MLLT3: variants seen among roughly 807,000 people sequenced by gnomAD.
MLLT3 encodes protein AF-9.
A neutral mutation model predicts 53.2 loss-of-function variants in MLLT3; 4 were observed. The ratio of observed to expected loss-of-function variants is 0.08; its 90% CI spans 0.04 to 0.17. MLLT3 has a LOEUF of 0.17. Among genes scored for constraint, MLLT3 ranks in the 10% least tolerant of loss-of-function variants. The pLI is 1.00. For missense variants in MLLT3, 569 were observed against 684.0 expected (o/e 0.83, Z 1.87); for synonymous variants, 283 against 230.6 (o/e 1.23, Z -2.06).
In MLLT3 at chr9:20,605,988, A is replaced by T. The variant is rs114811288; in HGVS notation, c.193+14666T>A. On this transcript the variant is annotated intron_variant, in intron 2 of 10. Transcript: ENST00000380338. ...TATGAATGGCTTACTGGTTTTAAAA[A>T]GTAACTCCCAAATGCTGGGTTAATA... is the stretch of plus-strand genomic sequence containing the variant. 1.9e-3 allele frequency among the ~76,000 whole-genome samples: 286 copies of T among 152,296 alleles called. 1 individual carries two copies. Among genetic ancestry groups the T allele is most frequent in the African/African-American group, 6.8e-3 (281 of 41,568 alleles).
intron 6 of MLLT3, 62 bp downstream of exon 6, chr9:20,365,607 C>A: frequency 1.3e-6 from 2 of 1,590,076 alleles, no homozygotes; most frequent in South Asian, 2.2e-5. Flanking sequence ...GTCAGCCTCC[C>A]AAAGTGCCAT....
chr9:20,496,833 G>A (rs920899105), intron 2 of MLLT3, among the ~76,000 whole-genome samples: 5 of 152,144 alleles, frequency 3.3e-5, no homozygotes, highest in African/African-American at 9.7e-5. Flanking sequence ...CAGATAAACA[G>A]TGCTTTAGGC....
chr9:20,406,306 C>G (rs929191071), intron 5 of MLLT3, among the ~76,000 whole-genome samples: 2 of 152,062 alleles, frequency 1.3e-5, no homozygotes, highest in African/African-American at 2.4e-5. Context: ...ATTCATGCCT[C>G]TTTCCTTCAA....
intron 2 of MLLT3, among the ~76,000 whole-genome samples, chr9:20,514,771 C>T (rs368316432): frequency 1.3e-5 from 2 of 152,028 alleles, no homozygotes; most frequent in Non-Finnish European, 1.5e-5. Context: ...ATCATTATGC[C>T]TCTCGATTAA....
At chr9:20,575,808 G>A (rs1819638699) in intron 2 of MLLT3, among the ~76,000 whole-genome samples, 2 of 152,128 alleles carry the variant, frequency 1.3e-5, no homozygotes, top group African/African-American at 2.4e-5. Context: ...TTTAGCATAA[G>A]TCTTAAGGAC....
chr9:20,410,396 A>T (rs1409085338), intron 5 of MLLT3, among the ~76,000 whole-genome samples: 1 of 152,184 alleles, frequency 6.6e-6, no homozygotes, highest in Non-Finnish European at 1.5e-5. Flanking sequence ...AATTTTCAAC[A>T]ATAATCCTAC....
chr9:20,464,336 C>G (rs1000371742), intron 2 of MLLT3, among the ~76,000 whole-genome samples: 1 of 152,130 alleles, frequency 6.6e-6, no homozygotes, highest in African/African-American at 2.4e-5. Context: ...CCTGCTCAGT[C>G]TAACCAGAGA....
chr9:20,421,876 G>A (rs550114199), intron 4 of MLLT3, among the ~76,000 whole-genome samples: 3 of 151,962 alleles, frequency 2.0e-5, no homozygotes, highest in Admixed American at 1.3e-4. Context: ...AAAGAGTGAA[G>A]CAAAATGGAC....
At chr9:20,406,547 G>T (rs928479806) in intron 5 of MLLT3, among the ~76,000 whole-genome samples, 2 of 152,058 alleles carry the variant, frequency 1.3e-5, no homozygotes, top group Non-Finnish European at 2.9e-5. Context: ...TAAAGCAAAG[G>T]TCAGCAATTT....
intron 5 of MLLT3, among the ~76,000 whole-genome samples, chr9:20,413,194 C>T (rs1384553660): frequency 6.6e-6 from 1 of 152,118 alleles, no homozygotes; most frequent in Non-Finnish European, 1.5e-5. Flanking sequence ...ATACATTTTA[C>T]ATATGTGTAG....
chr9:20,504,287 A>G (rs1825327739), intron 2 of MLLT3, among the ~76,000 whole-genome samples: 1 of 152,108 alleles, frequency 6.6e-6, no homozygotes, highest in East Asian at 1.9e-4. Flanking sequence ...TATGGAATCA[A>G]CCTAAGTGTC....
intron 4 of MLLT3, among the ~76,000 whole-genome samples, chr9:20,439,819 C>T (rs564706822): frequency 5.9e-5 from 9 of 152,270 alleles, no homozygotes; most frequent in Admixed American, 3.9e-4. Context: ...AGGTTATAGT[C>T]ACCAGAAAGA....
intron 2 of MLLT3, among the ~76,000 whole-genome samples, chr9:20,573,183 G>GTTTT (rs1475878858): frequency 3.0e-5 from 2 of 65,888 alleles, no homozygotes; most frequent in African/African-American, 4.4e-5. Flanking sequence ...GTTTTTTTTT[G>GTTTT]TTTTGTTTTT....
chr9:20,525,569 G>C (rs73432550), intron 2 of MLLT3, among the ~76,000 whole-genome samples: 4,169 of 152,236 alleles, frequency 0.027, 208 homozygotes, highest in African/African-American at 0.094. Context: ...TAAAGCTCTT[G>C]TTTTCATTCC....
chr9:20,476,272 C>A (rs999008760), intron 2 of MLLT3, among the ~76,000 whole-genome samples: 1 of 152,096 alleles, frequency 6.6e-6, no homozygotes, highest in South Asian at 2.1e-4. Flanking sequence ...CATCTTCCTA[C>A]AAGACTCAAA....
At chr9:20,419,541 A>G in intron 4 of MLLT3, among the ~76,000 whole-genome samples, 1 of 147,298 alleles carries the variant, frequency 6.8e-6, no homozygotes, top group East Asian at 2.0e-4. Context: ...AAAGGGAAAG[A>G]AAAAAAAAAA....
chr9:20,351,941 C>G (rs1821039474), intron 10 of MLLT3, among the ~76,000 whole-genome samples: 1 of 152,188 alleles, frequency 6.6e-6, no homozygotes, highest in Non-Finnish European at 1.5e-5. Flanking sequence ...TTTCAACCGG[C>G]CTGGGAATGC....
At chr9:20,473,409 T>G (rs1563775587) in intron 2 of MLLT3, among the ~76,000 whole-genome samples, 1 of 152,066 alleles carries the variant, frequency 6.6e-6, no homozygotes, top group South Asian at 2.1e-4. Context: ...TTTCACCAAA[T>G]GTAATTTTAA....
chr9:20,483,503 G>C (rs1216882312), intron 2 of MLLT3, among the ~76,000 whole-genome samples: 4 of 151,746 alleles, frequency 2.6e-5, no homozygotes, highest in African/African-American at 7.3e-5. Context: ...AAAATGCCGG[G>C]ATTACAGGCA....
Sources: allele counts gnomAD v4.1 joint callset (sites outside exome capture counted in the v4.1 genomes callset), GRCh38; gene constraint gnomAD v4.1.1; transcripts MANE v1.5; gene names NCBI Gene and HGNC (gene_info 2026-07-23, HGNC 2026-07-21).